The following NRXN3 variants were observed in gnomAD, a reference collection of about 807,000 sequenced individuals.
The protein encoded by NRXN3 is neurexin 3, also known as neurexin III.
Under a neutral mutation model 137.6 loss-of-function variants are expected in NRXN3, and 32 were observed. That is an observed-to-expected ratio of 0.23 (90% CI 0.18 to 0.31). The LOEUF (loss-of-function observed/expected upper bound fraction) is 0.31. NRXN3 is among the 10% of genes least tolerant of loss of function. NRXN3 has a pLI of 1.00. For synonymous variants in NRXN3, 798 were observed against 784.5 expected, an observed-to-expected ratio of 1.02 and a Z score of -0.29; for missense variants, 1,574 against 2,062.5, an observed-to-expected ratio of 0.76 and a Z score of 4.59.
intron 10 of NRXN3, among the ~76,000 whole-genome samples, chr14:78,953,150 T>G (rs1597827128): frequency 6.6e-6 from 1 of 152,208 alleles, no homozygotes; most frequent in African/African-American, 2.4e-5. Context: ...AAGTTCACCT[T>G]ATGAAGGTGT....
chr14:78,318,640 G>A (rs1243357302), intron 4 of NRXN3, among the ~76,000 whole-genome samples: 1 of 152,050 alleles, frequency 6.6e-6, no homozygotes, highest in Non-Finnish European at 1.5e-5. Context: ...TTCCCCCAAT[G>A]TCACTGCGGG....
intron 19 of NRXN3, among the ~76,000 whole-genome samples, chr14:79,710,816 A>C (rs2098800881): frequency 6.6e-6 from 1 of 152,220 alleles, no homozygotes; most frequent in Non-Finnish European, 1.5e-5. Context: ...TATTCCACAA[A>C]CATTGGGTGT....
At chr14:79,709,202 G>A (rs536903924) in intron 19 of NRXN3, among the ~76,000 whole-genome samples, 1 of 152,116 alleles carries the variant, frequency 6.6e-6, no homozygotes, top group African/African-American at 2.4e-5. Flanking sequence ...TCACTATAGA[G>A]TATAGAGCAA....
At chr14:78,715,577 A>G (rs1025328870) in intron 8 of NRXN3, among the ~76,000 whole-genome samples, 7 of 152,194 alleles carry the variant, frequency 4.6e-5, no homozygotes, top group Non-Finnish European at 8.8e-5. Context: ...CTTGCTGCCT[A>G]GTGGAATATT....
At chr14:78,550,262 T>C (rs947457587) in intron 4 of NRXN3, among the ~76,000 whole-genome samples, 1 of 152,172 alleles carries the variant, frequency 6.6e-6, no homozygotes, top group African/African-American at 2.4e-5. Context: ...ATTCCTGGAC[T>C]TAAGTGATCC....
intron 4 of NRXN3, among the ~76,000 whole-genome samples, chr14:78,561,650 A>G (rs2096787241): frequency 6.6e-6 from 1 of 152,098 alleles, no homozygotes; most frequent in African/African-American, 2.4e-5. Flanking sequence ...AAATGATATG[A>G]TTTTCAGTCC....
At chr14:78,448,565 A>G (rs2094477125) in intron 4 of NRXN3, among the ~76,000 whole-genome samples, 1 of 152,190 alleles carries the variant, frequency 6.6e-6, no homozygotes, top group Non-Finnish European at 1.5e-5. Context: ...AAACCAGTGT[A>G]TTGACTTGGA....
intron 10 of NRXN3, among the ~76,000 whole-genome samples, chr14:78,864,165 A>G (rs1320110661): frequency 6.6e-6 from 1 of 152,144 alleles, no homozygotes; most frequent in Non-Finnish European, 1.5e-5. Context: ...AAAGTTTTGC[A>G]TGTACTTCAC....
intron 16 of NRXN3, among the ~76,000 whole-genome samples, chr14:79,482,517 C>A (rs1600949083): frequency 6.6e-6 from 1 of 152,072 alleles, no homozygotes; most frequent in African/African-American, 2.4e-5. Context: ...AAGAAAATAA[C>A]AAAAAAATAG....
intron 4 of NRXN3, among the ~76,000 whole-genome samples, chr14:78,597,565 C>A (rs1014888932): frequency 5.9e-5 from 9 of 152,144 alleles, no homozygotes; most frequent in Non-Finnish European, 2.9e-5. Flanking sequence ...TCTGGCTCTG[C>A]CATTCAATAG....
chr14:78,512,881 G>C (rs567511948), intron 4 of NRXN3, among the ~76,000 whole-genome samples: 6 of 152,170 alleles, frequency 3.9e-5, no homozygotes, highest in East Asian at 1.9e-4. Flanking sequence ...GAAGTCTAGG[G>C]CATCTGTCAT....
intron 19 of NRXN3, among the ~76,000 whole-genome samples, chr14:79,730,545 C>T (rs143463513): frequency 4.6e-5 from 7 of 152,232 alleles, no homozygotes; most frequent in African/African-American, 1.4e-4. Context: ...TCAATTTTCT[C>T]TATAAGATGA....
chr14:78,936,960 C>T (rs1337720643), intron 10 of NRXN3, among the ~76,000 whole-genome samples: 1 of 151,964 alleles, frequency 6.6e-6, no homozygotes, highest in African/African-American at 2.4e-5. Context: ...GTGGCTCACG[C>T]CTGTAATCCC....
chr14:78,186,746 G>A (rs2060264097), intron 1 of NRXN3, among the ~76,000 whole-genome samples: 1 of 151,518 alleles, frequency 6.6e-6, no homozygotes, highest in Non-Finnish European at 1.5e-5. Flanking sequence ...TGTTGGGGTG[G>A]CTGAAAACTA....
intron 16 of NRXN3, among the ~76,000 whole-genome samples, chr14:79,583,525 G>A (rs1410980608): frequency 1.3e-5 from 2 of 151,944 alleles, no homozygotes; most frequent in Non-Finnish European, 2.9e-5. Context: ...AAGGTAAGAA[G>A]TGTGCTTTTG....
intron 4 of NRXN3, among the ~76,000 whole-genome samples, chr14:78,623,376 C>T (rs1041638559): frequency 6.6e-6 from 1 of 152,070 alleles, no homozygotes; most frequent in Non-Finnish European, 1.5e-5. Context: ...TCTTTTTGGC[C>T]ACTGGCTTCT....
rs555142101 is a variant in NRXN3, at chr14:79,028,097, G to A, written c.3262+39956G>A. 9.9e-5 allele frequency among the ~76,000 whole-genome samples: 15 copies of A among 152,148 alleles called. No individual in the cohort carries two copies. In the South Asian group the frequency reaches 1.0e-3, roughly 11 times the overall value. ...TAAATCGTTTTACTGTAACATGTAC[G>A]AAGGATCCAATAAATATTGGCTCTT... On this transcript the variant is annotated intron_variant, in intron 15 of 20. Transcript: ENST00000335750.
chr14:79,242,776 G>C (rs2074511878), intron 15 of NRXN3, among the ~76,000 whole-genome samples: 1 of 152,098 alleles, frequency 6.6e-6, no homozygotes, highest in Non-Finnish European at 1.5e-5. Context: ...ACAACCCAAG[G>C]ATCCTGTTAC....
intron 8 of NRXN3, among the ~76,000 whole-genome samples, chr14:78,783,662 G>A (rs2098778130): frequency 6.6e-6 from 1 of 152,088 alleles, no homozygotes. Context: ...AAGTATGTAA[G>A]TTTGAAATAA....
Sources: allele counts gnomAD v4.1 joint callset (sites outside exome capture counted in the v4.1 genomes callset), GRCh38; gene constraint gnomAD v4.1.1; transcripts MANE v1.5; gene names NCBI Gene and HGNC (gene_info 2026-07-23, HGNC 2026-07-21).